Variants in PLAGL2 observed in about 807,000 individuals in gnomAD.
The protein encoded by PLAGL2 is zinc finger protein PLAGL2.
PLAGL2 carries 7 observed loss-of-function variants against 29.0 expected under a neutral mutation model. That is an observed-to-expected ratio of 0.24 (90% confidence interval 0.14 to 0.45). The LOEUF (loss-of-function observed/expected upper bound fraction) is 0.45. Among genes scored for constraint, PLAGL2 ranks in the 20% least tolerant of loss-of-function variants. PLAGL2 has a pLI of 0.99. For synonymous variants in PLAGL2, 234 were observed against 266.0 expected, an observed-to-expected ratio of 0.88 and a Z score of 1.17; for missense variants, 454 against 648.2, an observed-to-expected ratio of 0.70 and a Z score of 3.25.
At chr20:32,205,923 A>G (rs2047284161) in intron 1 of PLAGL2, among the ~76,000 whole-genome samples, 1 of 152,142 alleles carries the variant, frequency 6.6e-6, no homozygotes, top group Non-Finnish European at 1.5e-5. Context: ...TTCTTAACTA[A>G]AGAGACCCAC....
At chr20:32,204,803 C>T (rs1196199151) in intron 1 of PLAGL2, among the ~76,000 whole-genome samples, 1 of 152,240 alleles carries the variant, frequency 6.6e-6, no homozygotes, top group African/African-American at 2.4e-5. Flanking sequence ...TTCTACTTCT[C>T]TTTCAAAGCT....
chr20:32,198,191 A>G (rs2047240226), intron 2 of PLAGL2, among the ~76,000 whole-genome samples: 3 of 152,248 alleles, frequency 2.0e-5, no homozygotes, highest in Non-Finnish European at 4.4e-5. Flanking sequence ...GCCTATGCGA[A>G]AAAGAACCGA....
rs2047238219 is a variant in PLAGL2 at position 32,197,753 on chromosome 20, A to G, written c.261-71T>C. The G allele has an allele frequency of 1.6e-6, 2 of 1,271,236 alleles. No individual in the cohort carries two copies. Among genetic ancestry groups the G allele is most frequent in the Admixed American group, 2.0e-5 (1 of 49,116 alleles). The allele number at this position is 1,271,236 out of a possible 1,614,324, so 78.7% of individuals were successfully genotyped here. A position where few individuals can be genotyped will look rare whatever the true frequency, so the allele number is the denominator to read the frequency against. ...GATCACAAGGGATGACTGGACAACC[A>G]AAGGTGTCCATTAACAGGAAACTAG... On this transcript the variant is annotated intron_variant, in intron 2 of 2. Transcript: ENST00000246229. The surrounding 1 kb of genome is among the most constrained non-coding windows in gnomAD (Gnocchi z 6.6).
rs1231113725 is a variant in PLAGL2 at position 32,194,649 on chromosome 20, T to C, written c.*1803A>G. The C allele has an allele frequency of 2.6e-5, 4 of 152,680 alleles. No individual in the cohort carries two copies. The highest frequency in any genetic ancestry group is 5.9e-5 in the Non-Finnish European group (4 of 68,060). The allele number at this position is 152,680 out of a possible 1,614,324, so 9.5% of individuals were successfully genotyped here. On this transcript the variant is annotated 3_prime_UTR_variant, in exon 3 of 3. Coordinates refer to ENST00000246229, the MANE Select transcript of PLAGL2 (RefSeq NM_002657.3). ...AGTCCTGGACCTGCTCAGTTCCTGA[T>C]GACAAACCAAGTGAACCTAGACAGA...
Position 32,196,730 on chromosome 20 carries a change from C to G in PLAGL2, c.1213G>C (p.Glu405Gln). 1 of 1,586,268 alleles carries G rather than the reference C, an allele frequency of 6.3e-7. No individual in the cohort carries two copies. The highest frequency in any genetic ancestry group is 8.6e-7 in the Non-Finnish European group (1 of 1,165,596). Residue 405 changes from glutamate (E) to glutamine (Q), a missense_variant, in exon 3 of 3, where the codon GAG becomes CAG. Around this residue, in one of 4 missense-constraint regions of PLAGL2, gnomAD observed 247 missense variants for 350.3 expected, o/e 0.71. Transcript: ENST00000246229. The stretch of plus-strand genomic sequence containing the variant: ...TCCACATTAGCAGCGCAGAGGGCCT[C>G]AGAGAGGTTGGCGGGGCTCTTGGCA... ...LLAKSPANLS[E>Q]ALCAANVDFS...
chr20:32,203,934 G>A (rs1452442602), intron 1 of PLAGL2, among the ~76,000 whole-genome samples: 1 of 152,152 alleles, frequency 6.6e-6, no homozygotes, highest in Non-Finnish European at 1.5e-5. Flanking sequence ...GGGGTAGGTA[G>A]CACTAAAAAC....
chr20:32,201,921 A>G lies in PLAGL2; in HGVS notation c.258T>C (p.Tyr86=). ...AGAGATATGAGAGTGTCACCTACCT[A>G]TACAGCTTGTATTTGGAAGCAAAAG... The part of the protein sequence containing the change: ...GKAFASKYKL[Y]RHMATHSAQK... Residue 86 remains tyrosine (Y), a splice_region_variant and synonymous_variant, in exon 2 of 3, where the codon TAT becomes TAC. Coordinates refer to ENST00000246229, the MANE Select transcript of PLAGL2 (RefSeq NM_002657.3). 6.2e-7 allele frequency: 1 copy of G among 1,613,648 alleles called. No homozygotes were observed. The highest frequency in any genetic ancestry group is 8.5e-7 in the Non-Finnish European group (1 of 1,179,618).
At position 32,207,713 on chromosome 20, in the gene PLAGL2, G is replaced by A; in HGVS notation, c.-187C>T. On this transcript the variant is annotated 5_prime_UTR_variant, in exon 1 of 3. Coordinates refer to ENST00000246229, the MANE Select transcript of PLAGL2 (RefSeq NM_002657.3). ...CAGGCCCCCTCAGGCCCCGGTAGTG[G>A]CGGCGGTCGGGCCATTGTGCGGTGC... 1 of 307,894 alleles carries A rather than the reference G, an allele frequency of 3.2e-6. No individual in the cohort carries two copies. The highest frequency in any genetic ancestry group is 5.4e-6 in the Non-Finnish European group (1 of 186,184). The allele number at this position is 307,894 out of a possible 1,614,324, so 19.1% of individuals were successfully genotyped here.
intron 1 of PLAGL2, among the ~76,000 whole-genome samples, chr20:32,202,916 A>G (rs560005909): frequency 8.1e-4 from 124 of 152,270 alleles, no homozygotes; most frequent in African/African-American, 2.7e-3. Context: ...GATTCTTAGC[A>G]TTTTCCCTAA....
intron 1 of PLAGL2, among the ~76,000 whole-genome samples, chr20:32,202,648 C>T (rs1397355191): frequency 1.3e-5 from 2 of 152,128 alleles, no homozygotes; most frequent in African/African-American, 4.8e-5. Flanking sequence ...TTCTTCTGGA[C>T]CTCACTTTTA....
intron 1 of PLAGL2, among the ~76,000 whole-genome samples, chr20:32,205,963 A>G (rs1458813868): frequency 6.6e-6 from 1 of 152,148 alleles, no homozygotes; most frequent in Admixed American, 6.5e-5. Flanking sequence ...TTCAGTGACT[A>G]CCCTAAAATA....
rs1219964011 is a variant in PLAGL2, at chr20:32,197,320, C to T, written c.623G>A (p.Arg208Gln). The change falls in exon 3 of 3, where the codon CGG becomes CAG. Residue 208 changes from arginine (R) to glutamine (Q), a missense_variant. Coordinates refer to ENST00000246229, the MANE Select transcript of PLAGL2 (RefSeq NM_002657.3). The surrounding 1 kb of genome is among the most constrained non-coding windows in gnomAD (Gnocchi z 6.6). The stretch of plus-strand genomic sequence containing the variant: ...ACGGCCTGTGTGCACCACTAGGTGC[C>T]GCCGTACATCCTTACGAGTATAGAA... ...RRFYTRKDVR[R>Q]HLVVHTGRKD... 2 of 1,603,162 alleles carry T rather than the reference C, an allele frequency of 1.2e-6. No homozygotes were observed. Among genetic ancestry groups the T allele is most frequent in the Non-Finnish European group, 1.7e-6 (2 of 1,173,782 alleles).
chr20:32,202,249 C>T lies in PLAGL2; in HGVS notation c.-71G>A. 1 of 1,486,636 alleles carries T rather than the reference C, an allele frequency of 6.7e-7. No individual in the cohort carries two copies. The highest frequency in any genetic ancestry group is 1.2e-5 in the South Asian group (1 of 83,066). 92.1% of individuals were successfully genotyped at this position (1,486,636 alleles called of 1,614,324 possible). On this transcript the variant is annotated 5_prime_UTR_variant, in exon 2 of 3. Coordinates refer to ENST00000246229, the MANE Select transcript of PLAGL2 (RefSeq NM_002657.3). ...ATCCGCTCCACACAGGCTCTCAGCT[C>T]TGTCACAGCCTCCAACGCAGCTTTC...
chr20:32,198,468 T>C (rs1194093126), intron 2 of PLAGL2, among the ~76,000 whole-genome samples: 4 of 152,148 alleles, frequency 2.6e-5, no homozygotes, highest in Admixed American at 1.3e-4. Context: ...TAGCGAGACC[T>C]TGTCTCTACA....
At position 32,197,220 on chromosome 20, in the gene PLAGL2, G is replaced by A. The variant is rs1243077207; in HGVS notation, c.723C>T (p.Ser241=). ...KDHLTRHVKK[S]HSQELLKIKT... The stretch of plus-strand genomic sequence containing the variant: ...TGATCTTGAGCAGCTCCTGCGAGTG[G>A]CTCTTCTTGACATGACGCGTCAGGT... The change falls in exon 3 of 3, where the codon AGC becomes AGT. Residue 241 remains serine, a synonymous_variant. Coordinates refer to ENST00000246229, the MANE Select transcript of PLAGL2 (RefSeq NM_002657.3). This position sits in a 1 kb window ranked among gnomAD's most constrained non-coding sequence, Gnocchi z 6.6. The A allele has an allele frequency of 1.4e-5, 22 of 1,614,092 alleles. No individual in the cohort carries two copies. The highest frequency in any genetic ancestry group is 1.9e-5 in the Non-Finnish European group (22 of 1,180,042).
intron 1 of PLAGL2, among the ~76,000 whole-genome samples, chr20:32,204,124 G>A (rs563557634): frequency 4.6e-5 from 7 of 152,228 alleles, no homozygotes; most frequent in African/African-American, 1.4e-4. Flanking sequence ...GAGTGTGCTC[G>A]AGTGTGCATG....
chr20:32,197,015 C>G lies in PLAGL2; in HGVS notation c.928G>C (p.Val310Leu), dbSNP rs141757953. 6.2e-7 allele frequency: 1 copy of G among 1,614,010 alleles called. No homozygotes were observed. Among genetic ancestry groups the G allele is most frequent in the African/African-American group, 1.3e-5 (1 of 74,924 alleles). The change falls in exon 3 of 3, where the codon GTG (valine) becomes CTG (leucine). Residue 310 changes from valine to leucine, a missense_variant. By Grantham distance (32) the Val-to-Leu change is conservative. Around this residue, in one of 4 missense-constraint regions of PLAGL2, gnomAD observed 247 missense variants for 350.3 expected, o/e 0.71. Transcript: ENST00000246229. This position sits in a 1 kb window ranked among gnomAD's most constrained non-coding sequence, Gnocchi z 6.6. Reference sequence around the variant, plus strand: ...GTGTTGTGCACCAGGGAGTGTGGCACGCCCGTGCTGGGCATGGTAGGGATG... The same window carrying G: ...GTGTTGTGCACCAGGGAGTGTGGCAGGCCCGTGCTGGGCATGGTAGGGATG... Reference protein sequence around the residue: ...AHIPTMPSTGVPHSLVHNTLP... With the variant: ...AHIPTMPSTGLPHSLVHNTLP...
rs774926372 is a variant in PLAGL2 at position 32,192,749 on chromosome 20, C to G, written c.*3703G>C. ...TCTTGTACTTTTCTCTTTAAATAAT[C>G]TGGAGTTACAAAAGAGTGGCTCCAA... On this transcript the variant is annotated 3_prime_UTR_variant, in exon 3 of 3. Coordinates refer to ENST00000246229, the MANE Select transcript of PLAGL2 (RefSeq NM_002657.3). 2 of 152,656 alleles carry G rather than the reference C, an allele frequency of 1.3e-5. No homozygotes were observed. The highest frequency in any genetic ancestry group is 2.4e-5 in the African/African-American group (1 of 41,442). 9.5% of individuals were successfully genotyped at this position (152,656 alleles called of 1,614,324 possible).
At chr20:32,202,382 C>T (rs6141634) in intron 1 of PLAGL2, 90 bp from the exon 2 acceptor site, 1 of 588,744 alleles carries the variant, frequency 1.7e-6, no homozygotes. Context: ...AATCCCAGCC[C>T]TTCCACTTAG....
Sources: allele counts gnomAD v4.1 joint callset (sites outside exome capture counted in the v4.1 genomes callset), GRCh38; gene constraint gnomAD v4.1.1; regional missense constraint gnomAD v4.1.1; non-coding constraint Gnocchi (gnomAD v3.1); transcripts MANE v1.5; gene names NCBI Gene and HGNC (gene_info 2026-07-23, HGNC 2026-07-21).